The following ASCC1 variants were observed in gnomAD, a reference collection of about 807,000 sequenced individuals.
The protein encoded by ASCC1 is activating signal cointegrator 1 complex subunit 1.
ASCC1 carries 35 observed loss-of-function variants against 46.6 expected under a neutral mutation model. The observed-to-expected ratio is 0.75, with a 90% CI of 0.57 to 0.99. The LOEUF is 0.99. ASCC1 is among the 50% of genes least tolerant of loss of function. ASCC1 has a pLI of 0.00. For synonymous variants in ASCC1, 143 were observed against 146.6 expected (o/e 0.98, Z 0.18); for missense variants, 376 against 428.7 (o/e 0.88, Z 1.09).
chr10:72,133,522 G>A (rs1368605830), intron 7 of ASCC1: 34 of 281,050 alleles, frequency 1.2e-4, no homozygotes, highest in Non-Finnish European at 1.5e-4. Flanking sequence ...AGGGAAGGAG[G>A]GGCACTTCAA....
At position 72,193,695 on chromosome 10, in the gene ASCC1, G is replaced by A. The variant is rs193076067; in HGVS notation, c.489+3116C>T. ...AAAAGTCCATTTTAATTATAATAAT[G>A]TTGAAGATAAAATTGAAAAAATTTA... On this transcript the variant is annotated intron_variant, in intron 5 of 9. Coordinates refer to ENST00000672957, the MANE Select transcript of ASCC1 (RefSeq NM_001198800.3). Among the ~76,000 whole-genome samples, 451 of 152,154 alleles carry A rather than the reference G, an allele frequency of 3.0e-3. 4 individuals carry two copies. Among genetic ancestry groups the A allele is most frequent in the African/African-American group, 0.01 (430 of 41,508 alleles).
chr10:72,102,250 T>A (rs529084715), intron 9 of ASCC1: 8 of 1,245,450 alleles, frequency 6.4e-6, no homozygotes, highest in Non-Finnish European at 9.1e-6. Flanking sequence ...CCATTGACAG[T>A]AACAGAACAT....
At position 72,133,236 on chromosome 10, in the gene ASCC1, G is replaced by A. The variant is rs532397642; in HGVS notation, c.747-55C>T. 8 of 1,579,718 alleles carry A rather than the reference G, an allele frequency of 5.1e-6. No individual in the cohort carries two copies. In the African/African-American group the frequency reaches 6.7e-5, roughly 13 times the overall value. On this transcript the variant is annotated intron_variant, in intron 7 of 9. Coordinates refer to ENST00000672957, the MANE Select transcript of ASCC1 (RefSeq NM_001198800.3). ...AATCTTAGTAAACTTCTGAACATGC[G>A]ATTACCAATTCAACAATGTTTATGG...
chr10:72,142,885 G>A (rs1227609841), intron 7 of ASCC1, among the ~76,000 whole-genome samples: 4 of 152,084 alleles, frequency 2.6e-5, no homozygotes, highest in Non-Finnish European at 5.9e-5. Context: ...AAATGGGCCA[G>A]GCATGGTGAC....
Position 72,110,648 on chromosome 10 carries a change from G to A in ASCC1, c.958-13198C>T, listed in dbSNP as rs937912942. On this transcript the variant is annotated intron_variant, in intron 9 of 9. Transcript: ENST00000672957. ...CTAAAAATACAAAAATCAGCTGGGC[G>A]TGGTGGCACGTGCCTGTAATCCCAG... 3.9e-5 allele frequency among the ~76,000 whole-genome samples: 6 copies of A among 152,294 alleles called. No homozygotes were observed. The Middle Eastern group carries it at 0.01, about 259-fold the overall frequency.
intron 7 of ASCC1, among the ~76,000 whole-genome samples, chr10:72,138,470 T>C (rs929116874): frequency 6.6e-6 from 1 of 152,198 alleles, no homozygotes; most frequent in African/African-American, 2.4e-5. Flanking sequence ...TTTAAAAAGT[T>C]CTAGTGTAAC....
chr10:72,128,021 T>C (rs1338447991), intron 9 of ASCC1, 61 bp downstream of exon 9: 1 of 1,292,416 alleles, frequency 7.7e-7, no homozygotes, highest in African/African-American at 1.5e-5. Context: ...AACTACTTGT[T>C]TTCCTGCCTT....
chr10:72,170,654 G>C (rs575419134), intron 5 of ASCC1, among the ~76,000 whole-genome samples: 155 of 149,988 alleles, frequency 1.0e-3, no homozygotes, highest in Non-Finnish European at 9.5e-4. Context: ...AAATGTTCCA[G>C]ATTCAAGGAG....
intron 9 of ASCC1, among the ~76,000 whole-genome samples, chr10:72,118,382 A>G (rs1195800656): frequency 3.3e-5 from 5 of 151,604 alleles, no homozygotes; most frequent in African/African-American, 9.7e-5. Context: ...AAAAAAAAAG[A>G]AAAGAAATAA....
At chr10:72,136,869 T>C (rs957288130) in intron 7 of ASCC1, among the ~76,000 whole-genome samples, 1 of 151,704 alleles carries the variant, frequency 6.6e-6, no homozygotes, top group African/African-American at 2.4e-5. Flanking sequence ...GGTCTGCAGC[T>C]TCACTCCTGA....
chr10:72,113,592 G>A lies in ASCC1; in HGVS notation c.957+14490C>T, dbSNP rs79577137. On this transcript the variant is annotated intron_variant, in intron 9 of 9. Transcript: ENST00000672957. ...TTAAAAATTCCAAGGAAAAAATTTG[G>A]TGAAACACAGCTTAGATTTGAATCT... Among the ~76,000 whole-genome samples, 1,436 of 152,260 alleles carry A rather than the reference G, an allele frequency of 9.4e-3. 13 individuals carry two copies. Among genetic ancestry groups the A allele is most frequent in the Non-Finnish European group, 0.015 (1,026 of 68,026 alleles).
chr10:72,152,023 G>C (rs1211485796), intron 7 of ASCC1, among the ~76,000 whole-genome samples: 1 of 138,226 alleles, frequency 7.2e-6, no homozygotes, highest in Non-Finnish European at 1.5e-5. Flanking sequence ...ACAGGGTCTC[G>C]CTCTGTCACC....
At position 72,096,268 on chromosome 10, in the gene ASCC1, C is replaced by T. The variant is rs1162965071; in HGVS notation, c.*1066G>A. ...CTGGGGCTCCCCAGCATTCCCGCCT[C>T]CCTCTGCTGGTCCGTGGTGAGGGAG... On this transcript the variant is annotated 3_prime_UTR_variant, in exon 10 of 10. Transcript: ENST00000672957. 3 of 453,974 alleles carry T rather than the reference C, an allele frequency of 6.6e-6. No homozygotes were observed. The highest frequency in any genetic ancestry group is 4.7e-5 in the Admixed American group (2 of 42,558). The allele number at this position is 453,974 out of a possible 1,614,324, so 28.1% of individuals were successfully genotyped here.
intron 5 of ASCC1, among the ~76,000 whole-genome samples, chr10:72,191,855 CCAGGCTGGT>C (rs1033569238): frequency 2.0e-5 from 3 of 151,346 alleles, no homozygotes; most frequent in African/African-American, 7.3e-5. Context: ...ACCACGCTGG[CCAGGCTGGT>C]CTCGAACTCC....
intron 5 of ASCC1, chr10:72,189,827 C>T (rs1280377319): frequency 3.1e-6 from 1 of 323,394 alleles, no homozygotes; most frequent in Non-Finnish European, 5.3e-6. Flanking sequence ...AAAAAAAGAA[C>T]CAAAGACATG....
chr10:72,196,279 C>CTTTTTTT (rs573100323), intron 5 of ASCC1, among the ~76,000 whole-genome samples: 1 of 136,396 alleles, frequency 7.3e-6, no homozygotes, highest in African/African-American at 2.7e-5. Flanking sequence ...TGTCTTAAAT[C>CTTTTTTT]TTTTTTTTTT....
chr10:72,130,450 A>T (rs1484145296), intron 8 of ASCC1, among the ~76,000 whole-genome samples: 1 of 152,208 alleles, frequency 6.6e-6, no homozygotes, highest in Non-Finnish European at 1.5e-5. Context: ...ACTAGACTGT[A>T]AACACACAAC....
At chr10:72,192,324 G>A (rs1382816775) in intron 5 of ASCC1, among the ~76,000 whole-genome samples, 2 of 151,986 alleles carry the variant, frequency 1.3e-5, no homozygotes, top group Admixed American at 6.6e-5. Flanking sequence ...GCATGGTGAT[G>A]CATGCCTGTA....
chr10:72,175,003 T>A (rs947207436), intron 5 of ASCC1, among the ~76,000 whole-genome samples: 5 of 152,258 alleles, frequency 3.3e-5, no homozygotes, highest in Non-Finnish European at 7.3e-5. Flanking sequence ...GCTTCCCCTA[T>A]ACTCGTTGTA....
Sources: allele counts gnomAD v4.1 joint callset (sites outside exome capture counted in the v4.1 genomes callset), GRCh38; gene constraint gnomAD v4.1.1; transcripts MANE v1.5; gene names NCBI Gene and HGNC (gene_info 2026-07-23, HGNC 2026-07-21).